The following SYNE1 variants were observed in gnomAD, a reference collection of about 807,000 sequenced individuals.
SYNE1 encodes the protein nesprin-1.
In SYNE1, 616 loss-of-function variants were observed where a neutral mutation model predicts 1,111.0. That is an observed-to-expected ratio of 0.55 (90% CI 0.52 to 0.59). The LOEUF is 0.59. SYNE1 is among the 20% of genes least tolerant of loss of function. The pLI, the probability that SYNE1 is intolerant of heterozygous loss-of-function variation, is 0.00. For synonymous variants in SYNE1, 3,855 were observed against 3,825.8 expected, an observed-to-expected ratio of 1.01 and a Z score of -0.28; for missense variants, 10,006 against 10,417.0, an observed-to-expected ratio of 0.96 and a Z score of 1.72.
intron 3 of SYNE1, among the ~76,000 whole-genome samples, chr6:152,621,067 T>C (rs1025636266): frequency 6.6e-6 from 1 of 152,178 alleles, no homozygotes; most frequent in Admixed American, 6.5e-5. Flanking sequence ...AAGGTGGGCC[T>C]TGAAGATAAG....
intron 55 of SYNE1, among the ~76,000 whole-genome samples, chr6:152,382,858 A>G (rs535328559): frequency 2.0e-5 from 3 of 152,362 alleles, no homozygotes; most frequent in African/African-American, 7.2e-5. Context: ...AATTTGAATA[A>G]GGACATCATC....
At chr6:152,469,018 C>G (rs2098788804) in intron 16 of SYNE1, among the ~76,000 whole-genome samples, 1 of 152,076 alleles carries the variant, frequency 6.6e-6, no homozygotes, top group South Asian at 2.1e-4. Flanking sequence ...CCTCAAGTGA[C>G]TCTTCAACCT....
intron 98 of SYNE1, among the ~76,000 whole-genome samples, chr6:152,272,107 C>G (rs932856895): frequency 4.6e-5 from 7 of 152,166 alleles, no homozygotes; most frequent in African/African-American, 1.4e-4. Context: ...AGATTCTATG[C>G]GGTTAGACTC....
At position 152,149,486 on chromosome 6, in the gene SYNE1, G is replaced by A. The variant is rs201078523; in HGVS notation, c.24633C>T (p.Ile8211=). Residue 8211 remains isoleucine (I), a synonymous_variant, in exon 136 of 146, where the codon ATC becomes ATT. Coordinates refer to ENST00000367255, the MANE Select transcript of SYNE1 (RefSeq NM_182961.4). ...GRVERYHKKL[I]RLPLPDDEHD... ...AATCAATGTTACATACAGGCAGGCG[G>A]ATCAGTTTCTTATGGTATCTTTCCA... The A allele has an allele frequency of 5.2e-5, 84 of 1,614,044 alleles. No homozygotes were observed. The highest frequency in any genetic ancestry group is 6.7e-5 in the Admixed American group (4 of 59,992).
intron 9 of SYNE1, 37 bp downstream of exon 9, chr6:152,505,164 G>A: frequency 1.2e-6 from 2 of 1,607,174 alleles, no homozygotes; most frequent in Non-Finnish European, 1.7e-6. Flanking sequence ...AACCCTCCGT[G>A]TTAAGGTATA....
intron 55 of SYNE1, among the ~76,000 whole-genome samples, chr6:152,385,091 T>C (rs1397809906): frequency 1.3e-5 from 2 of 152,152 alleles, no homozygotes; most frequent in Non-Finnish European, 2.9e-5. Context: ...TTAAAATCCA[T>C]TTTCCATGGG....
rs1021545190 is a variant in SYNE1, at chr6:152,350,204, G to A, written c.11865C>T (p.Ser3955=). ...LVAPDLLETS[S]LETITQQLAH... is the part of the protein sequence containing the mutation. Reference sequence around the variant, plus strand: ...CCAATTGCTGGGTGATTGTCTCCAGGCTGCTTGTCTCCAGGAGGTCAGGTG... The same window carrying A: ...CCAATTGCTGGGTGATTGTCTCCAGACTGCTTGTCTCCAGGAGGTCAGGTG... The change falls in exon 72 of 146, where the codon AGC becomes AGT. Residue 3955 remains serine (S), a synonymous_variant. Transcript: ENST00000367255. 1.2e-6 allele frequency: 2 copies of A among 1,613,776 alleles called. No individual in the cohort carries two copies. Among genetic ancestry groups the A allele is most frequent in the Admixed American group, 1.7e-5 (1 of 60,012 alleles).
chr6:152,500,562 A>G (rs930381073), intron 10 of SYNE1, among the ~76,000 whole-genome samples: 5 of 152,198 alleles, frequency 3.3e-5, no homozygotes, highest in Non-Finnish European at 5.9e-5. Context: ...TTATGAAGTC[A>G]CTGATTTCTA....
intron 3 of SYNE1, among the ~76,000 whole-genome samples, chr6:152,614,816 G>A (rs1351047512): frequency 2.0e-5 from 3 of 152,156 alleles, no homozygotes; most frequent in Non-Finnish European, 4.4e-5. Context: ...AAAAAGATGA[G>A]TTCATGTCCT....
intron 14 of SYNE1, among the ~76,000 whole-genome samples, chr6:152,473,731 CT>C (rs148609472): frequency 0.025 from 3,840 of 152,264 alleles, 180 homozygotes; most frequent in African/African-American, 0.088. Flanking sequence ...AGACACATTA[CT>C]GTAGCTTATG....
chr6:152,135,149 A>G lies in SYNE1; in HGVS notation c.25743T>C (p.Ser8581=). 1 of 1,614,196 alleles carries G rather than the reference A, an allele frequency of 6.2e-7. No individual in the cohort carries two copies. Among genetic ancestry groups the G allele is most frequent in the Non-Finnish European group, 8.5e-7 (1 of 1,180,024 alleles). The part of the protein sequence containing the change: ...RRKNEIVPID[S]NLDAEILQDH... Reference sequence around the variant, plus strand: ...CCTGAAGTATCTCTGCATCAAGGTTAGAATCAATAGGGACAATTTCATTTT... The same window carrying G: ...CCTGAAGTATCTCTGCATCAAGGTTGGAATCAATAGGGACAATTTCATTTT... Residue 8581 remains serine, a synonymous_variant, in exon 142 of 146, where the codon TCT becomes TCC. Coordinates refer to ENST00000367255, the MANE Select transcript of SYNE1 (RefSeq NM_182961.4).
chr6:152,224,578 G>A lies in SYNE1; in HGVS notation c.21438C>T (p.Leu7146=), dbSNP rs946544188. 1 of 1,613,958 alleles carries A rather than the reference G, an allele frequency of 6.2e-7. No individual in the cohort carries two copies. Among genetic ancestry groups the A allele is most frequent in the Non-Finnish European group, 8.5e-7 (1 of 1,179,916 alleles). ...GGGAAAGAGAGTATCTGGCCTCCATGAGGTAACTGTTTATCTTGTCAAAGG... is the reference window on the plus strand; with the variant it reads ...GGGAAAGAGAGTATCTGGCCTCCATAAGGTAACTGTTTATCTTGTCAAAGG... ...KVAFDKINSY[L]MEARYSLSRF... The change falls in exon 117 of 146, where the codon CTC becomes CTT. Residue 7146 remains leucine (L), a synonymous_variant. Coordinates refer to ENST00000367255, the MANE Select transcript of SYNE1 (RefSeq NM_182961.4).
chr6:152,326,595 A>G lies in SYNE1; in HGVS notation c.14994T>C (p.Tyr4998=). 1 of 1,614,136 alleles carries G rather than the reference A, an allele frequency of 6.2e-7. No homozygotes were observed. The highest frequency in any genetic ancestry group is 8.5e-7 in the Non-Finnish European group (1 of 1,180,034). ...CATTGGCTGCTTGAAATACCTGATA[A>G]TACCTTTGACACTGGCTATATATTT... ...LTEIYSQCQR[Y]YQVFQAANDW... The change falls in exon 79 of 146, where the codon TAT becomes TAC. Residue 4998 remains tyrosine, a synonymous_variant. Transcript: ENST00000367255.
At chr6:152,453,472 T>C in intron 25 of SYNE1, 114 bp downstream of exon 25, 1 of 1,508,970 alleles carries the variant, frequency 6.6e-7, no homozygotes, top group Non-Finnish European at 9.2e-7. Flanking sequence ...ATGAGCGAAA[T>C]AGTTACAGTG....
chr6:152,171,287 G>A (rs1235833632), intron 130 of SYNE1, among the ~76,000 whole-genome samples: 4 of 152,218 alleles, frequency 2.6e-5, no homozygotes, highest in African/African-American at 4.8e-5. Context: ...TCAGGCAGCT[G>A]AAGCCCGAAG....
At chr6:152,323,924 T>C (rs2095965445) in intron 81 of SYNE1, among the ~76,000 whole-genome samples, 187 bp from the exon 82 acceptor site, 1 of 152,124 alleles carries the variant, frequency 6.6e-6, no homozygotes, top group East Asian at 1.9e-4. Context: ...TCTATACCTC[T>C]GGGTTTAAAG....
At chr6:152,409,494 G>A in intron 43 of SYNE1, 65 bp downstream of exon 43, 1 of 1,588,134 alleles carries the variant, frequency 6.3e-7, no homozygotes, top group Non-Finnish European at 8.6e-7. Flanking sequence ...GCAGATAACT[G>A]CTTTATGAGT....
intron 62 of SYNE1, 79 bp downstream of exon 62, chr6:152,367,138 AC>A (rs746046768): frequency 1.3e-6 from 2 of 1,533,294 alleles, no homozygotes; most frequent in South Asian, 2.2e-5. Context: ...TGACATCATC[AC>A]CCCAGGTGGA....
Position 152,281,875 on chromosome 6 carries a change from T to C in SYNE1, c.18313A>G (p.Thr6105Ala), listed in dbSNP as rs766497139. The C allele has an allele frequency of 1.5e-5, 25 of 1,614,130 alleles. No homozygotes were observed. The highest frequency in any genetic ancestry group is 1.9e-5 in the Non-Finnish European group (23 of 1,180,026). The change falls in exon 97 of 146, where the codon ACT becomes GCT. Residue 6105 changes from threonine to alanine, a missense_variant. Physicochemically the swap from Thr to Ala is moderately conservative, Grantham distance 58. Coordinates refer to ENST00000367255, the MANE Select transcript of SYNE1 (RefSeq NM_182961.4). ...LDSWLLSTKA[T>A]LDTALSPPKE... ...GGTGGACTCAGCGCAGTGTCCAGAG[T>C]GGCCTTGGTACTCAAGAGCCAGCTG...
Sources: gnomAD v4.1 joint callset for allele counts (sites outside exome capture counted in the v4.1 genomes callset) on GRCh38, gnomAD v4.1.1 for gene constraint, MANE v1.5 for transcripts, NCBI Gene and HGNC (gene_info 2026-07-23, HGNC 2026-07-21) for gene names.